Variants in THSD7B observed in about 807,000 individuals in gnomAD.
THSD7B encodes thrombospondin type-1 domain-containing protein 7B.
THSD7B carries 138 observed loss-of-function variants against 213.6 expected under a neutral mutation model. That is an observed-to-expected ratio of 0.65 (90% CI 0.56 to 0.74). The LOEUF is 0.74. Among genes scored for constraint, THSD7B ranks in the 30% least tolerant of loss-of-function variants. The probability of loss-of-function intolerance (pLI) is 0.00; values close to 1 mark genes in which losing one functional copy is unlikely to be tolerated. For missense variants in THSD7B, 1,931 were observed against 1,991.5 expected, an observed-to-expected ratio of 0.97 and a Z score of 0.58; for synonymous variants, 742 against 687.0, an observed-to-expected ratio of 1.08 and a Z score of -1.25.
At chr2:137,400,427 T>C (rs976306440) in intron 12 of THSD7B, among the ~76,000 whole-genome samples, 1 of 152,162 alleles carries the variant, frequency 6.6e-6, no homozygotes, top group Non-Finnish European at 1.5e-5. Context: ...CTATGATGGT[T>C]GGGTAGGGTC....
At position 137,434,922 on chromosome 2, in the gene THSD7B, G is replaced by A. The variant is rs924607550; in HGVS notation, c.2960-15923G>A. Reference sequence around the variant, plus strand: ...TTCTTCCATTAAGATGTACTTAATCGTTTGCCAAGAGGCTCATTATAGTTC... The same window carrying A: ...TTCTTCCATTAAGATGTACTTAATCATTTGCCAAGAGGCTCATTATAGTTC... On this transcript the variant is annotated intron_variant, in intron 14 of 27. Coordinates refer to ENST00000409968, the MANE Select transcript of THSD7B (RefSeq NM_001316349.2). Among the ~76,000 whole-genome samples the A allele has an allele frequency of 5.9e-5, 9 of 152,000 alleles. No homozygotes were observed. The East Asian group carries it at 7.7e-4, about 13-fold the overall frequency.
chr2:137,070,541 A>T (rs1687461324), intron 3 of THSD7B, among the ~76,000 whole-genome samples: 1 of 150,170 alleles, frequency 6.7e-6, no homozygotes, highest in Admixed American at 6.7e-5. Flanking sequence ...TCTCTTTTTT[A>T]AAATTTTTTA....
chr2:137,413,365 G>T (rs571957349), intron 14 of THSD7B, among the ~76,000 whole-genome samples: 1 of 152,194 alleles, frequency 6.6e-6, no homozygotes, highest in Non-Finnish European at 1.5e-5. Flanking sequence ...TGACTTGAGT[G>T]TACAGTTAAG....
chr2:137,354,499 CA>C (rs1274738036), intron 12 of THSD7B, among the ~76,000 whole-genome samples: 2 of 152,000 alleles, frequency 1.3e-5, no homozygotes, highest in African/African-American at 4.8e-5. Flanking sequence ...ATTCCCTAAG[CA>C]ACATTAAAAT....
chr2:137,340,275 C>G (rs1684732005), intron 12 of THSD7B, among the ~76,000 whole-genome samples: 1 of 151,650 alleles, frequency 6.6e-6, no homozygotes, highest in East Asian at 1.9e-4. Context: ...TCTTAAAACT[C>G]AGGTATAAAG....
intron 4 of THSD7B, among the ~76,000 whole-genome samples, chr2:137,106,593 T>G (rs568376942): frequency 6.6e-6 from 1 of 152,234 alleles, no homozygotes; most frequent in African/African-American, 2.4e-5. Context: ...GAAACTATCA[T>G]TAGAGTGAAC....
chr2:136,779,192 A>G (rs1681675287), intron 1 of THSD7B, among the ~76,000 whole-genome samples: 1 of 70,540 alleles, frequency 1.4e-5, no homozygotes, highest in African/African-American at 7.2e-5. Flanking sequence ...AAGGCTATAT[A>G]TATATATGTG....
intron 2 of THSD7B, among the ~76,000 whole-genome samples, chr2:136,954,740 T>TAAAAAAAAAAAAAAAAAAA (rs773677139): frequency 2.2e-5 from 3 of 137,448 alleles, no homozygotes; most frequent in African/African-American, 9.3e-5. Flanking sequence ...AAAAAGAAAT[T>TAAAAAAAAAAAAAAAAAAA]ACATAAGAGC....
In THSD7B at chr2:137,659,651, A is replaced by C; in HGVS notation, c.4376-13A>C. On this transcript the variant is annotated splice_polypyrimidine_tract_variant and intron_variant, in intron 24 of 27. Transcript: ENST00000409968. ...AGAGAAATCTGCAAATGATGGTGGA[A>C]TTTCCTTTGCAGGAGGCTGCTCCCC... is the stretch of plus-strand genomic sequence containing the variant. 1 of 1,583,506 alleles carries C rather than the reference A, an allele frequency of 6.3e-7. No individual in the cohort carries two copies.
At position 136,965,557 on chromosome 2, in the gene THSD7B, T is replaced by C. The variant is rs376248019; in HGVS notation, c.139+83240T>C. Among the ~76,000 whole-genome samples the C allele has an allele frequency of 5.9e-5, 9 of 152,306 alleles. No homozygotes were observed. The East Asian group carries it at 1.7e-3, about 29-fold the overall frequency. ...TATGACTTCTACACACTTTGCTTAA[T>C]GAAACCGCTTTCCTGAACCTCACCA... On this transcript the variant is annotated intron_variant, in intron 2 of 27. Coordinates refer to ENST00000409968, the MANE Select transcript of THSD7B (RefSeq NM_001316349.2).
intron 8 of THSD7B, 149 bp downstream of exon 8, chr2:137,231,384 C>A: frequency 1.1e-6 from 1 of 897,046 alleles, no homozygotes; most frequent in Non-Finnish European, 1.7e-6. Context: ...GTTTCATTTC[C>A]CTCCATGCTT....
At chr2:137,117,427 A>G (rs1435804811) in intron 5 of THSD7B, among the ~76,000 whole-genome samples, 3 of 152,166 alleles carry the variant, frequency 2.0e-5, no homozygotes, top group Non-Finnish European at 4.4e-5. Flanking sequence ...CCAAAATTGG[A>G]TACATTTTTA....
rs115244282 is a variant in THSD7B, at chr2:137,193,501, G to A, written c.1723+22563G>A. Among the ~76,000 whole-genome samples, 483 of 152,164 alleles carry A rather than the reference G, an allele frequency of 3.2e-3. 3 individuals carry two copies. The highest frequency in any genetic ancestry group is 0.011 in the African/African-American group (457 of 41,526). On this transcript the variant is annotated intron_variant, in intron 7 of 27. Transcript: ENST00000409968. The stretch of plus-strand genomic sequence containing the variant: ...TTATTATTAATCATATTCACCACAC[G>A]TAAGAGAACTGTGAAGATGGAAACA...
chr2:137,482,696 T>TC (rs1688334474), intron 15 of THSD7B, among the ~76,000 whole-genome samples: 1 of 152,074 alleles, frequency 6.6e-6, no homozygotes, highest in African/African-American at 2.4e-5. Context: ...TTTTTTTTTT[T>TC]CCCTTGGAGC....
chr2:137,447,935 A>G (rs1275966785), intron 14 of THSD7B, among the ~76,000 whole-genome samples: 1 of 152,178 alleles, frequency 6.6e-6, no homozygotes, highest in Non-Finnish European at 1.5e-5. Flanking sequence ...TAATATGAAG[A>G]GAGAAGAAAA....
chr2:137,260,599 C>G lies in THSD7B; in HGVS notation c.2267-11934C>G, dbSNP rs181405669. Among the ~76,000 whole-genome samples, 4 of 152,112 alleles carry G rather than the reference C, an allele frequency of 2.6e-5. No individual in the cohort carries two copies. In the South Asian group the frequency reaches 8.3e-4, roughly 32 times the overall value. ...ACGACAAAGGACAACCTTGTCTCTA[C>G]AAAAAACAAACAATAATAAGGCAGG... On this transcript the variant is annotated intron_variant, in intron 10 of 27. Coordinates refer to ENST00000409968, the MANE Select transcript of THSD7B (RefSeq NM_001316349.2).
chr2:137,170,052 C>T (rs796190863), intron 6 of THSD7B, among the ~76,000 whole-genome samples: 10 of 152,250 alleles, frequency 6.6e-5, no homozygotes, highest in African/African-American at 2.4e-4. Flanking sequence ...TGCTTGACTC[C>T]TGTTGATTTG....
At chr2:137,310,327 C>T (rs1683865597) in intron 12 of THSD7B, among the ~76,000 whole-genome samples, 1 of 146,760 alleles carries the variant, frequency 6.8e-6, no homozygotes. Context: ...TGTTCATGTC[C>T]TTTGCCCACT....
At chr2:137,471,260 T>C (rs547061830) in intron 15 of THSD7B, among the ~76,000 whole-genome samples, 1 of 152,264 alleles carries the variant, frequency 6.6e-6, no homozygotes, top group East Asian at 1.9e-4. Context: ...AAAGCCAGGC[T>C]CATCCCTTAA....
Sources: allele counts gnomAD v4.1 joint callset (sites outside exome capture counted in the v4.1 genomes callset), GRCh38; gene constraint gnomAD v4.1.1; transcripts MANE v1.5; gene names NCBI Gene and HGNC (gene_info 2026-07-23, HGNC 2026-07-21).